Variants in MSI2 observed in about 807,000 individuals in gnomAD.
MSI2 encodes the protein RNA-binding protein Musashi homolog 2.
A neutral mutation model predicts 45.6 loss-of-function variants in MSI2; 17 were observed. That is an observed-to-expected ratio of 0.37 (90% CI 0.26 to 0.56). The LOEUF (loss-of-function observed/expected upper bound fraction) is 0.56, where lower values mean the gene tolerates loss of function less well. Ranked by LOEUF, MSI2 falls within the 20% of genes least tolerant of loss-of-function variation. MSI2 has a pLI of 0.77. For missense variants in MSI2, 293 were observed against 444.2 expected (o/e 0.66, Z 3.06); for synonymous variants, 156 against 158.2 (o/e 0.99, Z 0.11).
intron 5 of MSI2, among the ~76,000 whole-genome samples, chr17:57,304,938 T>G (rs1049233426): frequency 2.1e-4 from 32 of 152,208 alleles, no homozygotes; most frequent in Admixed American, 6.5e-5. Flanking sequence ...GTGTAGCAAA[T>G]ATGTATCCAG....
chr17:57,390,667 T>C (rs2083773421), intron 5 of MSI2, among the ~76,000 whole-genome samples: 2 of 152,226 alleles, frequency 1.3e-5, no homozygotes, highest in African/African-American at 4.8e-5. Context: ...AACTTGGCTT[T>C]AGAACCTGCC....
intron 11 of MSI2, among the ~76,000 whole-genome samples, chr17:57,666,379 C>T (rs1912368444): frequency 6.6e-6 from 1 of 152,220 alleles, no homozygotes; most frequent in Non-Finnish European, 1.5e-5. Flanking sequence ...GTGTGAAACA[C>T]CTACCAACAT....
chr17:57,317,193 T>C (rs536730387), intron 5 of MSI2, among the ~76,000 whole-genome samples: 3 of 152,144 alleles, frequency 2.0e-5, no homozygotes, highest in Non-Finnish European at 4.4e-5. Flanking sequence ...GGTGGGCATA[T>C]GCACTCGATT....
rs566387482 is a variant in MSI2 at position 57,574,892 on chromosome 17, A to G, written c.455-21976A>G. Among the ~76,000 whole-genome samples the G allele has an allele frequency of 2.2e-3, 302 of 140,126 alleles. 1 individual carries two copies. Among genetic ancestry groups the G allele is most frequent in the Middle Eastern group, 3.8e-3 (1 of 260 alleles). The allele number at this position is 140,126 out of a possible 152,430, so 91.9% of individuals were successfully genotyped here. A position where few individuals can be genotyped will look rare whatever the true frequency, so the allele number is the denominator to read the frequency against. ...GTCGCCCAGGCTGGAGTGCAGTGGC[A>G]CGATCTCAGCTCACTGCAAGCTCCG... On this transcript the variant is annotated intron_variant, in intron 7 of 13. Transcript: ENST00000284073.
intron 5 of MSI2, among the ~76,000 whole-genome samples, chr17:57,328,333 GCATCCATCCATT>G (rs1186824793): frequency 5.2e-5 from 6 of 115,078 alleles, no homozygotes; most frequent in Non-Finnish European, 8.3e-5. Flanking sequence ...ATCCATCCAT[GCATCCATCCATT>G]CATCCATCCT....
rs553886427 is a variant in MSI2, at chr17:57,258,859, A to C, written c.270+505A>C. On this transcript the variant is annotated intron_variant, in intron 4 of 13. Coordinates refer to ENST00000284073, the MANE Select transcript of MSI2 (RefSeq NM_138962.4). ...GAATGTGCTTTGGGAAGGGAAGGGGACGCTGGCGGAGCTGAGCTGGGCATC... is the reference window on the plus strand; with the variant it reads ...GAATGTGCTTTGGGAAGGGAAGGGGCCGCTGGCGGAGCTGAGCTGGGCATC... 1.8e-4 allele frequency among the ~76,000 whole-genome samples: 27 copies of C among 152,206 alleles called. No homozygotes were observed. In the South Asian group the frequency reaches 5.6e-3, roughly 32 times the overall value.
chr17:57,340,842 C>A (rs1348300972), intron 5 of MSI2, among the ~76,000 whole-genome samples: 1 of 152,210 alleles, frequency 6.6e-6, no homozygotes, highest in Non-Finnish European at 1.5e-5. Flanking sequence ...GCATCTGAGC[C>A]CAGCAGCAGG....
chr17:57,502,606 T>TAGATAG lies in MSI2; in HGVS notation c.406-27069_406-27068insGATAGA, dbSNP rs1567862675. ...GAATGGAGAAGATGACTCTGAGATA[T>TAGATAG]ATATATATATATATATATATATATA... On this transcript the variant is annotated intron_variant, in intron 6 of 13. Transcript: ENST00000284073. 6.5e-3 allele frequency among the ~76,000 whole-genome samples: 527 copies of TAGATAG among 81,226 alleles called. 9 individuals are homozygous for TAGATAG. Among genetic ancestry groups the TAGATAG allele is most frequent in the African/African-American group, 0.029 (490 of 16,986 alleles). The allele number at this position is 81,226 out of a possible 152,430, so 53.3% of individuals were successfully genotyped here. A position where few individuals can be genotyped will look rare whatever the true frequency, so the allele number is the denominator to read the frequency against.
chr17:57,561,347 G>A (rs1172061754), intron 7 of MSI2, among the ~76,000 whole-genome samples: 1 of 152,110 alleles, frequency 6.6e-6, no homozygotes, highest in African/African-American at 2.4e-5. Flanking sequence ...AGTCCCTGAG[G>A]CCTGTCAGCC....
At chr17:57,505,369 A>AGAGG (rs2143899022) in intron 6 of MSI2, among the ~76,000 whole-genome samples, 1 of 152,188 alleles carries the variant, frequency 6.6e-6, no homozygotes, top group Admixed American at 6.5e-5. Flanking sequence ...AGAGTTACAG[A>AGAGG]GAGGGGGTAG....
intron 7 of MSI2, among the ~76,000 whole-genome samples, chr17:57,574,489 A>G (rs761574339): frequency 6.6e-6 from 1 of 152,200 alleles, no homozygotes; most frequent in Non-Finnish European, 1.5e-5. Context: ...GGGCCAGTCC[A>G]CAGAGCCCAG....
chr17:57,526,356 G>GGTGTGTGTGTGTGT lies in MSI2; in HGVS notation c.406-3280_406-3267dup, dbSNP rs71143203. Among the ~76,000 whole-genome samples, 408 of 122,540 alleles carry GGTGTGTGTGTGTGT rather than the reference G, an allele frequency of 3.3e-3. 5 individuals carry two copies. The highest frequency in any genetic ancestry group is 5.9e-3 in the African/African-American group (186 of 31,316). 80.4% of individuals were successfully genotyped at this position (122,540 alleles called of 152,430 possible). The stretch of plus-strand genomic sequence containing the variant: ...TCTTCATAGCCCCCTGATATACCTG[G>GGTGTGTGTGTGTGT]GTGTGTGTGTGTGTGTGTGTGTGTG... On this transcript the variant is annotated intron_variant, in intron 6 of 13. Transcript: ENST00000284073.
chr17:57,467,030 TG>T lies in MSI2; in HGVS notation c.406-62644del, dbSNP rs1194197748. 4.3e-4 allele frequency among the ~76,000 whole-genome samples: 66 copies of T among 152,362 alleles called. 2 individuals are homozygous for T. The highest frequency in any genetic ancestry group is 1.5e-3 in the African/African-American group (63 of 41,580). On this transcript the variant is annotated intron_variant, in intron 6 of 13. Coordinates refer to ENST00000284073, the MANE Select transcript of MSI2 (RefSeq NM_138962.4). ...GCAGAAGGGAGTGATGTCTTATATG[TG>T]GAGTCACTGTGTATCTTTTTAGAGA...
chr17:57,269,450 G>T (rs1362736716), intron 5 of MSI2, among the ~76,000 whole-genome samples: 11 of 152,204 alleles, frequency 7.2e-5, no homozygotes, highest in African/African-American at 2.7e-4. Flanking sequence ...TGGGCTTGTG[G>T]CTTAAGCTTA....
chr17:57,287,648 C>T (rs1910037844), intron 5 of MSI2, among the ~76,000 whole-genome samples: 1 of 152,162 alleles, frequency 6.6e-6, no homozygotes, highest in African/African-American at 2.4e-5. Context: ...CCTTTCGGCT[C>T]CTACGTGGGG....
intron 6 of MSI2, among the ~76,000 whole-genome samples, chr17:57,512,172 G>A (rs572607279): frequency 6.6e-6 from 1 of 152,214 alleles, no homozygotes; most frequent in Non-Finnish European, 1.5e-5. Flanking sequence ...ATCCTGCACT[G>A]ATGGCGCCTC....
chr17:57,333,440 C>CTTT (rs1567762862), intron 5 of MSI2, among the ~76,000 whole-genome samples: 1 of 147,504 alleles, frequency 6.8e-6, no homozygotes, highest in African/African-American at 2.5e-5. Flanking sequence ...TGATTTGTAC[C>CTTT]GTTTTTTTTT....
Position 57,652,260 on chromosome 17 carries a change from AC to A in MSI2, c.790+101del. 1 of 1,176,556 alleles carries A rather than the reference AC, an allele frequency of 8.5e-7. No individual in the cohort carries two copies. Among genetic ancestry groups the A allele is most frequent in the Admixed American group, 1.8e-5 (1 of 56,070 alleles). The allele number at this position is 1,176,556 out of a possible 1,614,324, so 72.9% of individuals were successfully genotyped here. The stretch of plus-strand genomic sequence containing the variant: ...ATCTGTGTGGCTGCATCTGTCCAAC[AC>A]CACTCTCACCACAGCCCCGGGGAGG... On this transcript the variant is annotated intron_variant, in intron 11 of 13. Coordinates refer to ENST00000284073, the MANE Select transcript of MSI2 (RefSeq NM_138962.4). The surrounding 1 kb of genome is among the most constrained non-coding windows in gnomAD (Gnocchi z 4.1).
chr17:57,327,913 T>G (rs1913939997), intron 5 of MSI2, among the ~76,000 whole-genome samples: 1 of 152,178 alleles, frequency 6.6e-6, no homozygotes, highest in Admixed American at 6.5e-5. Context: ...CTGAGTTTGA[T>G]ACTTCTTTCC....
Sources: gnomAD v4.1 joint callset for allele counts (sites outside exome capture counted in the v4.1 genomes callset) on GRCh38, gnomAD v4.1.1 for gene constraint, Gnocchi (gnomAD v3.1) non-coding constraint, MANE v1.5 for transcripts, NCBI Gene and HGNC (gene_info 2026-07-23, HGNC 2026-07-21) for gene names.